JAG1: variants seen among roughly 807,000 people sequenced by gnomAD.
JAG1 encodes the protein jagged canonical Notch ligand 1.
In JAG1, 23 loss-of-function variants were observed where a neutral mutation model predicts 148.7. The ratio of observed to expected loss-of-function variants is 0.15; its 90% confidence interval spans 0.11 to 0.22. JAG1 has a LOEUF of 0.22. Ranked by LOEUF, JAG1 falls within the 10% of genes least tolerant of loss-of-function variation. The pLI, the probability that JAG1 is intolerant of heterozygous loss-of-function variation, is 1.00. For synonymous variants in JAG1, 572 were observed against 598.3 expected (o/e 0.96, Z 0.64); for missense variants, 1,054 against 1,611.2 (o/e 0.65, Z 5.92).
chr20:10,641,044 C>T (rs2067267001), intron 24 of JAG1, 69 bp downstream of exon 24: 1 of 1,612,062 alleles, frequency 6.2e-7, no homozygotes, highest in Non-Finnish European at 8.5e-7. Context: ...GAATTTGCTC[C>T]ATTCAGACAC....
chr20:10,653,876 A>G (rs1401411221), intron 5 of JAG1, among the ~76,000 whole-genome samples: 3 of 152,222 alleles, frequency 2.0e-5, no homozygotes, highest in Non-Finnish European at 4.4e-5. Context: ...AACTTCTGAA[A>G]CCAAGCTATG....
In JAG1 at chr20:10,650,251, C is replaced by T. The variant is rs748150117; in HGVS notation, c.1230G>A (p.Gln410=). The T allele has an allele frequency of 4.4e-6, 7 of 1,606,694 alleles. No individual in the cohort carries two copies. The African/African-American group carries it at 8.0e-5, about 18-fold the overall frequency. The stretch of plus-strand genomic sequence containing the variant: ...CAGTCACAGGGATGTTCTTACCTAA[C>T]TGGCACGTTTTCCCAGTCCACTGTG... ...CPPQWTGKTC[Q]LDANECEAKP... Residue 410 remains glutamine, a synonymous_variant, in exon 9 of 26, where the codon CAG becomes CAA. Transcript: ENST00000254958.
intron 14 of JAG1, 70 bp downstream of exon 14, chr20:10,646,869 G>T: frequency 1.4e-6 from 2 of 1,477,230 alleles, no homozygotes; most frequent in East Asian, 2.3e-5. Context: ...CCCAGGGTGG[G>T]CCAGGGGCAG....
At chr20:10,653,964 TGTCAACGTGACAAGTGACTAAA>T (rs145000844) in intron 5 of JAG1, among the ~76,000 whole-genome samples, 5,681 of 152,296 alleles carry the variant, frequency 0.037, 205 homozygotes, top group African/African-American at 0.094. Context: ...TAAAATGGAA[TGTCAACGTGACAAGTGACTAAA>T]GGAGTAAGAT....
intron 2 of JAG1, among the ~76,000 whole-genome samples, chr20:10,669,682 A>G (rs2067482818): frequency 6.7e-6 from 1 of 150,296 alleles, no homozygotes; most frequent in African/African-American, 2.4e-5. Context: ...ACGTTTCTCT[A>G]GATTCATTTC....
Position 10,647,644 on chromosome 20 carries a change from G to A in JAG1, c.1720+316C>T, listed in dbSNP as rs144988176. On this transcript the variant is annotated intron_variant, in intron 13 of 25. Coordinates refer to ENST00000254958, the MANE Select transcript of JAG1 (RefSeq NM_000214.3). ...TACAGAACATCCCCCTCTGTCTGCC[G>A]TTGCAGGAAGTTCTGTTGACAGTGT... Among the ~76,000 whole-genome samples the A allele has an allele frequency of 2.7e-4, 41 of 152,308 alleles. No individual in the cohort carries two copies. The East Asian group carries it at 3.3e-3, about 12-fold the overall frequency.
intron 14 of JAG1, among the ~76,000 whole-genome samples, chr20:10,646,685 G>C (rs973184918): frequency 7.9e-5 from 12 of 152,082 alleles, no homozygotes; most frequent in Non-Finnish European, 1.3e-4. Context: ...GGTGGGCGTG[G>C]TGCGCATGCC....
chr20:10,648,601 A>C lies in JAG1; in HGVS notation c.1517T>G (p.Ile506Ser). 6.2e-7 allele frequency: 1 copy of C among 1,614,118 alleles called. No homozygotes were observed. The highest frequency in any genetic ancestry group is 8.5e-7 in the Non-Finnish European group (1 of 1,180,030). The part of the protein sequence containing the change: ...CLNGGHCQNE[I>S]NRFQCLCPTG... ...GGGACACAGACACTGGAATCTGTTG[A>C]TTTCATTCTGACAGTGACCCCCATT... is the stretch of plus-strand genomic sequence containing the variant. The change falls in exon 12 of 26, where the codon ATC becomes AGC. Residue 506 changes from isoleucine (I) to serine (S), a missense_variant. Coordinates refer to ENST00000254958, the MANE Select transcript of JAG1 (RefSeq NM_000214.3).
At chr20:10,662,760 G>A (rs904200623) in intron 3 of JAG1, among the ~76,000 whole-genome samples, 6 of 151,878 alleles carry the variant, frequency 4.0e-5, no homozygotes, top group Non-Finnish European at 5.9e-5. Flanking sequence ...ACCCCCCCAC[G>A]GCATTACAGG....
chr20:10,643,551 C>T (rs2067287571), intron 20 of JAG1, among the ~76,000 whole-genome samples: 1 of 152,168 alleles, frequency 6.6e-6, no homozygotes, highest in African/African-American at 2.4e-5. Context: ...GACTGGCACT[C>T]TCTCCCCAAG....
chr20:10,641,660 T>G lies in JAG1; in HGVS notation c.2716A>C (p.Lys906Gln), dbSNP rs2067273359. The G allele has an allele frequency of 6.2e-7, 1 of 1,613,976 alleles. No homozygotes were observed. Among genetic ancestry groups the G allele is most frequent in the Non-Finnish European group, 8.5e-7 (1 of 1,180,028 alleles). The change falls in exon 23 of 26, where the codon AAA (lysine) becomes CAA (glutamine). Residue 906 changes from lysine to glutamine, a missense_variant. Coordinates refer to ENST00000254958, the MANE Select transcript of JAG1 (RefSeq NM_000214.3). ...WCGPRPCLLH[K>Q]GHSECPSGQS... The stretch of plus-strand genomic sequence containing the variant: ...CCGCTGGGGCACTCGCTGTGCCCTT[T>G]GTGGAGCAGGCAAGGTCGAGGGCCA...
chr20:10,664,101 A>AC, intron 2 of JAG1, 87 bp from the exon 3 acceptor site: 1 of 987,348 alleles, frequency 1.0e-6, no homozygotes, highest in Non-Finnish European at 1.6e-6. Flanking sequence ...AGAATACCCC[A>AC]CCAAACAAAA....
At chr20:10,640,977 A>G in intron 24 of JAG1, 44 bp from the exon 25 acceptor site, 1 of 1,613,192 alleles carries the variant, frequency 6.2e-7, no homozygotes, top group Non-Finnish European at 8.5e-7. Context: ...GGAATACTCA[A>G]AGCAGCCTTT....
chr20:10,648,254 G>A (rs1358632743), intron 12 of JAG1, 144 bp from the exon 13 acceptor site: 3 of 999,500 alleles, frequency 3.0e-6, no homozygotes, highest in Non-Finnish European at 4.6e-6. Flanking sequence ...ACATCTCTAT[G>A]CTGTAGGGAC....
intron 2 of JAG1, among the ~76,000 whole-genome samples, chr20:10,667,466 T>A (rs1363483621): frequency 2.0e-5 from 3 of 152,214 alleles, no homozygotes; most frequent in Non-Finnish European, 4.4e-5. Flanking sequence ...GGCCAGAGTA[T>A]AAAATATTCC....
Position 10,646,580 on chromosome 20 carries a change from C to CGGG in JAG1, c.1885+356_1885+358dup, listed in dbSNP as rs1027421320. Among the ~76,000 whole-genome samples the CGGG allele has an allele frequency of 1.4e-3, 212 of 150,522 alleles. 3 individuals are homozygous for CGGG. Among genetic ancestry groups the CGGG allele is most frequent in the Admixed American group, 3.3e-3 (49 of 14,736 alleles). On this transcript the variant is annotated intron_variant, in intron 14 of 25. Coordinates refer to ENST00000254958, the MANE Select transcript of JAG1 (RefSeq NM_000214.3). ...CACTTTGGGAGGCCAAGTTGGGGGT[C>CGGG]GGGGGGTGGATCATCTGAGGCTGGG...
At chr20:10,655,785 C>G (rs1343921315) in intron 5 of JAG1, among the ~76,000 whole-genome samples, 4 of 152,172 alleles carry the variant, frequency 2.6e-5, no homozygotes, top group South Asian at 2.1e-4. Context: ...AACCCGCCAT[C>G]GTGAAGTGGT....
intron 13 of JAG1, among the ~76,000 whole-genome samples, chr20:10,647,490 C>T (rs897923632): frequency 2.0e-5 from 3 of 152,190 alleles, no homozygotes; most frequent in Admixed American, 6.5e-5. Flanking sequence ...TGTTGTGCTG[C>T]CTAATACAGC....
intron 2 of JAG1, among the ~76,000 whole-genome samples, chr20:10,664,747 A>G (rs575514057): frequency 6.6e-6 from 1 of 152,326 alleles, no homozygotes; most frequent in East Asian, 1.9e-4. Context: ...TTATCTGTTA[A>G]TAAGATCTAA....
Sources: gnomAD v4.1 joint callset for allele counts (sites outside exome capture counted in the v4.1 genomes callset) on GRCh38, gnomAD v4.1.1 for gene constraint, MANE v1.5 for transcripts, NCBI Gene and HGNC (gene_info 2026-07-23, HGNC 2026-07-21) for gene names.